PARD3: variants seen among roughly 807,000 people sequenced by gnomAD.
PARD3 encodes the protein partitioning defective 3 homolog.
In PARD3, 75 loss-of-function variants were observed where a neutral mutation model predicts 155.4. The ratio of observed to expected loss-of-function variants is 0.48; its 90% CI spans 0.40 to 0.58. The LOEUF is 0.58. Among genes scored for constraint, PARD3 ranks in the 20% least tolerant of loss-of-function variants. The pLI, the probability that PARD3 is intolerant of heterozygous loss-of-function variation, is 0.00. For synonymous variants in PARD3, 576 were observed against 610.5 expected (o/e 0.94, Z 0.83); for missense variants, 1,642 against 1,721.7 (o/e 0.95, Z 0.82).
chr10:34,546,804 GC>G (rs1221078490), intron 2 of PARD3, among the ~76,000 whole-genome samples: 1 of 151,982 alleles, frequency 6.6e-6, no homozygotes, highest in Non-Finnish European at 1.5e-5. Context: ...AATTTTTTTA[GC>G]TATTTAATGT....
In PARD3 at chr10:34,113,261, C is replaced by G. The variant is rs184245329; in HGVS notation, c.3669-1699G>C. Among the ~76,000 whole-genome samples the G allele has an allele frequency of 1.9e-3, 290 of 152,278 alleles. 2 individuals carry two copies. Among genetic ancestry groups the G allele is most frequent in the African/African-American group, 6.6e-3 (274 of 41,556 alleles). ...GCTTCATGGAGCCCCAGGCTTCGCT[C>G]TACGGCAGCTGTGCACCCTAAGTGG... On this transcript the variant is annotated intron_variant, in intron 24 of 24. Coordinates refer to ENST00000374788, the MANE Select transcript of PARD3 (RefSeq NM_001184785.2).
In PARD3 at chr10:34,615,701, C is replaced by A. The variant is rs144293212; in HGVS notation, c.222+80617G>T. Among the ~76,000 whole-genome samples the A allele has an allele frequency of 2.0e-5, 3 of 152,248 alleles. No homozygotes were observed. In the South Asian group the frequency reaches 6.2e-4, roughly 32 times the overall value. On this transcript the variant is annotated intron_variant, in intron 2 of 24. Transcript: ENST00000374788. ...GAGAAAATATGTGCAAACTATTCAT[C>A]CACCAAGGGAGTAAAATATACGATA...
chr10:34,569,337 A>C (rs1348380155), intron 2 of PARD3, among the ~76,000 whole-genome samples: 1 of 152,230 alleles, frequency 6.6e-6, no homozygotes, highest in Admixed American at 6.5e-5. Context: ...TGATTTTTAA[A>C]TATTTTTAAA....
At position 34,488,153 on chromosome 10, in the gene PARD3, A is replaced by G. The variant is rs79987452; in HGVS notation, c.404-17890T>C. ...AAGCTCCTGCACTTTACAAGATTTC[A>G]TAATTATCCCAGTGTATGTTGACCA... On this transcript the variant is annotated intron_variant, in intron 3 of 24. Coordinates refer to ENST00000374788, the MANE Select transcript of PARD3 (RefSeq NM_001184785.2). Among the ~76,000 whole-genome samples the G allele has an allele frequency of 3.1e-3, 478 of 152,298 alleles. 5 individuals carry two copies. Among genetic ancestry groups the G allele is most frequent in the East Asian group, 0.03 (157 of 5,172 alleles).
intron 1 of PARD3, among the ~76,000 whole-genome samples, chr10:34,711,861 C>G (rs1476683163): frequency 6.6e-6 from 1 of 152,168 alleles, no homozygotes; most frequent in Admixed American, 6.5e-5. Flanking sequence ...TATCCTGTCC[C>G]TCAGAGCTGG....
intron 1 of PARD3, among the ~76,000 whole-genome samples, chr10:34,728,456 GA>G (rs200777201): frequency 2.6e-5 from 4 of 151,602 alleles, no homozygotes; most frequent in African/African-American, 7.3e-5. Flanking sequence ...GGCACTTCAG[GA>G]AAAAAAACAC....
At chr10:34,492,163 G>C (rs2079956364) in intron 3 of PARD3, among the ~76,000 whole-genome samples, 2 of 152,112 alleles carry the variant, frequency 1.3e-5, no homozygotes, top group South Asian at 2.1e-4. Flanking sequence ...CATTAGTACG[G>C]ATTTCTAATA....
At chr10:34,726,118 AACT>A (rs1406227839) in intron 1 of PARD3, among the ~76,000 whole-genome samples, 1 of 152,230 alleles carries the variant, frequency 6.6e-6, no homozygotes, top group Non-Finnish European at 1.5e-5. Flanking sequence ...TCTTGGCTAT[AACT>A]ACTTTTATAC....
intron 22 of PARD3, among the ~76,000 whole-genome samples, chr10:34,186,061 C>T (rs572351062): frequency 1.3e-5 from 2 of 151,810 alleles, no homozygotes; most frequent in East Asian, 3.9e-4. Context: ...GAACTTGGGC[C>T]CAGGGAGCAG....
intron 2 of PARD3, among the ~76,000 whole-genome samples, chr10:34,582,244 T>A (rs1324303): frequency 0.35 from 53,444 of 151,916 alleles, 9,685 homozygotes; most frequent in South Asian, 0.43. Context: ...CTTAGACCCT[T>A]AAAGAAATGA....
chr10:34,164,696 GT>G (rs1949440111), intron 22 of PARD3, among the ~76,000 whole-genome samples: 1 of 152,206 alleles, frequency 6.6e-6, no homozygotes, highest in African/African-American at 2.4e-5. Flanking sequence ...ACGACATGCA[GT>G]TTTCCTGTGC....
intron 2 of PARD3, among the ~76,000 whole-genome samples, chr10:34,538,567 G>A (rs909933800): frequency 2.0e-5 from 3 of 152,210 alleles, no homozygotes; most frequent in African/African-American, 7.2e-5. Flanking sequence ...ATTCAGAGGT[G>A]GCTGTAAGTT....
chr10:34,314,440 G>A (rs547683986), intron 20 of PARD3, among the ~76,000 whole-genome samples: 6 of 152,254 alleles, frequency 3.9e-5, no homozygotes, highest in African/African-American at 1.4e-4. Context: ...CATATTCAAG[G>A]GGCAATATGT....
At chr10:34,572,931 A>G (rs1342481054) in intron 2 of PARD3, among the ~76,000 whole-genome samples, 3 of 152,182 alleles carry the variant, frequency 2.0e-5, no homozygotes, top group Admixed American at 6.5e-5. Context: ...TTTAAATAAT[A>G]TCTTATTTTC....
At chr10:34,311,058 T>C (rs1936429) in intron 20 of PARD3, among the ~76,000 whole-genome samples, 91,768 of 152,044 alleles carry the variant, frequency 0.6, 29,716 homozygotes, top group African/African-American at 0.86. Flanking sequence ...GGCAATTAGG[T>C]CCAAGTCATA....
At chr10:34,386,336 A>C (rs1288969468) in intron 7 of PARD3, among the ~76,000 whole-genome samples, 1 of 152,238 alleles carries the variant, frequency 6.6e-6, no homozygotes, top group Non-Finnish European at 1.5e-5. Context: ...CAAAGGTAAG[A>C]ATAAAGTACA....
intron 19 of PARD3, among the ~76,000 whole-genome samples, chr10:34,319,846 T>C (rs1016095258): frequency 2.0e-5 from 3 of 152,146 alleles, no homozygotes; most frequent in Non-Finnish European, 2.9e-5. Context: ...TGTGAGATAA[T>C]TGACCAAATA....
chr10:34,365,552 T>C (rs530530107), intron 12 of PARD3, among the ~76,000 whole-genome samples: 1 of 152,316 alleles, frequency 6.6e-6, no homozygotes, highest in East Asian at 1.9e-4. Context: ...TGGGACATGA[T>C]ACATATTAGT....
At chr10:34,588,663 T>C (rs1168161768) in intron 2 of PARD3, among the ~76,000 whole-genome samples, 2 of 152,154 alleles carry the variant, frequency 1.3e-5, no homozygotes, top group Non-Finnish European at 2.9e-5. Context: ...GGCCACGCAA[T>C]AAATGTCTCA....
Sources: gnomAD v4.1 joint callset for allele counts (sites outside exome capture counted in the v4.1 genomes callset) on GRCh38, gnomAD v4.1.1 for gene constraint, MANE v1.5 for transcripts, NCBI Gene and HGNC (gene_info 2026-07-23, HGNC 2026-07-21) for gene names.